Variants in RTN4 observed in about 807,000 individuals in gnomAD.
The protein encoded by RTN4 is reticulon-4.
RTN4 carries 32 observed loss-of-function variants against 90.4 expected under a neutral mutation model. The ratio of observed to expected loss-of-function variants is 0.35; its 90% CI spans 0.27 to 0.48. The LOEUF (loss-of-function observed/expected upper bound fraction) is 0.48, where lower values mean the gene tolerates loss of function less well. RTN4 is among the 20% of genes least tolerant of loss of function. RTN4 has a pLI of 0.99. For synonymous variants in RTN4, 629 were observed against 552.5 expected (o/e 1.14, Z -1.94); for missense variants, 1,706 against 1,430.2 (o/e 1.19, Z -3.11).
chr2:55,124,600 T>A, the RTN4 span, among the ~76,000 whole-genome samples: 1 of 152,226 alleles, frequency 6.6e-6, no homozygotes, highest in Non-Finnish European at 1.5e-5. Flanking sequence ...CCCATGCTCA[T>A]GGATAGGAAG....
At chr2:55,065,665 A>G (rs925191332) in intron 2 of RTN4, among the ~76,000 whole-genome samples, 1 of 152,226 alleles carries the variant, frequency 6.6e-6, no homozygotes, top group African/African-American at 2.4e-5. Flanking sequence ...AACAAGGTAC[A>G]CACATACACA....
chr2:55,045,195 T>C (rs1683338801), intron 1 of RTN4, among the ~76,000 whole-genome samples: 2 of 152,238 alleles, frequency 1.3e-5, no homozygotes, highest in Admixed American at 1.3e-4. Context: ...TATTCAATTT[T>C]ATACAAATTT....
intron 3 of RTN4, among the ~76,000 whole-genome samples, chr2:55,003,866 T>A (rs1680018953): frequency 6.6e-6 from 1 of 152,110 alleles, no homozygotes; most frequent in African/African-American, 2.4e-5. Context: ...CACCATTTTA[T>A]ATAAGAGACG....
At chr2:55,040,922 C>A (rs1475548956) in intron 1 of RTN4, among the ~76,000 whole-genome samples, 5 of 151,450 alleles carry the variant, frequency 3.3e-5, no homozygotes, top group African/African-American at 9.7e-5. Context: ...GTAACAATTC[C>A]ATCAATGAGA....
At chr2:55,087,393 T>C (rs1396061617) in intron 1 of RTN4, among the ~76,000 whole-genome samples, 1 of 152,248 alleles carries the variant, frequency 6.6e-6, no homozygotes, top group Non-Finnish European at 1.5e-5. Context: ...TTTTTAATGT[T>C]ATACTTTTAC....
chr2:55,123,714 T>C, the RTN4 span, among the ~76,000 whole-genome samples: 2 of 152,008 alleles, frequency 1.3e-5, no homozygotes, highest in African/African-American at 2.4e-5. Context: ...TAAGTTTATA[T>C]TGTTACTCGT....
At chr2:55,028,064 C>T in intron 2 of RTN4, 100 bp downstream of exon 2, 2 of 967,240 alleles carry the variant, frequency 2.1e-6, no homozygotes, top group Non-Finnish European at 2.9e-6. Context: ...CGGAACCATG[C>T]TAATTTTTAG....
the RTN4 span, among the ~76,000 whole-genome samples, chr2:55,130,890 G>T: frequency 6.6e-6 from 1 of 152,122 alleles, no homozygotes; most frequent in African/African-American, 2.4e-5. Flanking sequence ...GACAAAGAAA[G>T]ATTAGAGCAA....
At chr2:55,103,486 TAC>T (rs1383859907) in intron 1 of RTN4, among the ~76,000 whole-genome samples, 1 of 152,016 alleles carries the variant, frequency 6.6e-6, no homozygotes, top group African/African-American at 2.4e-5. Context: ...TTCTTACCCA[TAC>T]ACACACAAAA....
intron 2 of RTN4, among the ~76,000 whole-genome samples, chr2:55,070,874 T>A (rs1267236128): frequency 6.6e-6 from 1 of 151,924 alleles, no homozygotes; most frequent in Non-Finnish European, 1.5e-5. Context: ...TCTCCCGGGT[T>A]CACGCCATTC....
chr2:54,978,383 A>G (rs1677829797), intron 5 of RTN4, among the ~76,000 whole-genome samples: 1 of 147,486 alleles, frequency 6.8e-6, no homozygotes, highest in Admixed American at 7.1e-5. Flanking sequence ...TGAGCCTAAG[A>G]TCGCACCACC....
At chr2:55,123,281 T>A in the RTN4 span, among the ~76,000 whole-genome samples, 4 of 152,294 alleles carry the variant, frequency 2.6e-5, no homozygotes, top group East Asian at 7.7e-4. Context: ...AACATTAAAG[T>A]GTCACTCATA....
intron 3 of RTN4, among the ~76,000 whole-genome samples, chr2:54,996,591 C>CA (rs1314901475): frequency 6.6e-6 from 1 of 152,160 alleles, no homozygotes; most frequent in African/African-American, 2.4e-5. Flanking sequence ...AAGAAAAAAA[C>CA]AGTCTTTTAA....
chr2:55,114,827 G>A (rs1054470474), upstream of RTN4, among the ~76,000 whole-genome samples: 10 of 152,134 alleles, frequency 6.6e-5, no homozygotes, highest in Non-Finnish European at 1.0e-4. Flanking sequence ...GCTCACGGGT[G>A]GCAATAGCGT....
At chr2:55,135,208 G>GT in the RTN4 span, among the ~76,000 whole-genome samples, 167 of 109,066 alleles carry the variant, frequency 1.5e-3, no homozygotes, top group South Asian at 5.7e-3. Flanking sequence ...TGTTTTTTTG[G>GT]TTTTTTTTTT....
intron 1 of RTN4, among the ~76,000 whole-genome samples, chr2:55,028,524 C>T (rs1257628480): frequency 6.6e-6 from 1 of 152,172 alleles, no homozygotes; most frequent in East Asian, 1.9e-4. Flanking sequence ...TTCTACTTAA[C>T]ATATCACATC....
At chr2:55,086,602 C>T (rs1039608385) in intron 1 of RTN4, among the ~76,000 whole-genome samples, 2 of 151,878 alleles carry the variant, frequency 1.3e-5, no homozygotes, top group South Asian at 2.1e-4. Flanking sequence ...CCCACGATTT[C>T]GAGGCTGCAG....
At chr2:54,999,115 A>G (rs1269593540) in intron 3 of RTN4, among the ~76,000 whole-genome samples, 1 of 152,232 alleles carries the variant, frequency 6.6e-6, no homozygotes, top group Non-Finnish European at 1.5e-5. Context: ...AGTTTAGAAA[A>G]AAGTAATTTA....
intron 2 of RTN4, among the ~76,000 whole-genome samples, chr2:55,057,642 T>C (rs1381097621): frequency 6.6e-6 from 1 of 152,134 alleles, no homozygotes. Flanking sequence ...AGCAAACTAT[T>C]TGGAACATGT....
Sources: allele counts gnomAD v4.1 joint callset (sites outside exome capture counted in the v4.1 genomes callset), GRCh38; gene constraint gnomAD v4.1.1; transcripts MANE v1.5; gene names NCBI Gene and HGNC (gene_info 2026-07-23, HGNC 2026-07-21).